The following RSRP1 variants were observed in gnomAD, a reference collection of about 807,000 sequenced individuals.
RSRP1 encodes the protein arginine and serine rich protein 1.
Under a neutral mutation model 33.0 loss-of-function variants are expected in RSRP1, and 37 were observed. The observed-to-expected ratio is 1.12, with a 90% CI of 0.86 to 1.48. RSRP1 has a LOEUF of 1.48. Among genes scored for constraint, RSRP1 ranks in the 40% most tolerant of loss-of-function variants. RSRP1 has a pLI of 0.00. For synonymous variants in RSRP1, 167 were observed against 158.7 expected, an observed-to-expected ratio of 1.05 and a Z score of -0.40; for missense variants, 402 against 385.3, an observed-to-expected ratio of 1.04 and a Z score of -0.36.
rs1640907007 is a variant in RSRP1, at chr1:25,275,726, G to T, written c.-66-28697C>A. Among the ~76,000 whole-genome samples, 2 of 132,672 alleles carry T rather than the reference G, an allele frequency of 1.5e-5. 1 individual carries two copies. The highest frequency in any genetic ancestry group is 4.6e-4 in the South Asian group (2 of 4,348). 87.0% of individuals were successfully genotyped at this position (132,672 alleles called of 152,430 possible). ...TAATCATAATGGTGTCAATCTCCAGGCAGGGTCCATTGCTACAGTTGACGA... is the reference window on the plus strand; with the variant it reads ...TAATCATAATGGTGTCAATCTCCAGTCAGGGTCCATTGCTACAGTTGACGA... On this transcript the variant is annotated intron_variant, in intron 1 of 1. Coordinates refer to the RSRP1 transcript ENST00000561867.
chr1:25,295,681 T>C lies in RSRP1; in HGVS notation c.-67+42297A>G, dbSNP rs1435383538. Among the ~76,000 whole-genome samples the C allele has an allele frequency of 4.7e-5, 5 of 105,496 alleles. 2 individuals carry two copies. The highest frequency in any genetic ancestry group is 1.1e-4 in the Non-Finnish European group (5 of 43,988). The allele number at this position is 105,496 out of a possible 152,430, so 69.2% of individuals were successfully genotyped here. A position where few individuals can be genotyped will look rare whatever the true frequency, so the allele number is the denominator to read the frequency against. On this transcript the variant is annotated intron_variant, in intron 1 of 1. Coordinates refer to the RSRP1 transcript ENST00000561867. ...TGGACTAAGATCATTTGTGGAAGAA[T>C]GATGGAGAGAAAGGCTGAAGGGCAG...
At chr1:25,244,408 A>G (rs1349387565) in intron 3 of RSRP1, 2 of 1,289,260 alleles carry the variant, frequency 1.6e-6, no homozygotes, top group Non-Finnish European at 2.0e-6. Flanking sequence ...GTGTGAACAT[A>G]AACTTCAAAT....
chr1:25,261,860 C>T (rs953914259), intron 1 of RSRP1, among the ~76,000 whole-genome samples: 34 of 151,538 alleles, frequency 2.2e-4, no homozygotes, highest in African/African-American at 7.3e-4. Flanking sequence ...CACAGGCACA[C>T]GCCACCACAC....
rs1308431186 is a variant in RSRP1 at position 25,308,534 on chromosome 1, C to A, written c.-67+29444G>T. ...AAACTGGCTTTCCAAGAAAATAAAG[C>A]CTTGATTGGTAGCACTTGCAATTTC... On this transcript the variant is annotated intron_variant, in intron 1 of 1. Transcript: ENST00000561867. Among the ~76,000 whole-genome samples, 51 of 132,056 alleles carry A rather than the reference C, an allele frequency of 3.9e-4. 15 individuals are homozygous for A. Among genetic ancestry groups the A allele is most frequent in the Middle Eastern group, 8.1e-3 (2 of 246 alleles). 86.6% of individuals were successfully genotyped at this position (132,056 alleles called of 152,430 possible).
At chr1:25,288,886 C>T (rs28644387) in intron 1 of RSRP1, among the ~76,000 whole-genome samples, 11,202 of 129,902 alleles carry the variant, frequency 0.086, 2,381 homozygotes, top group African/African-American at 0.28. Context: ...TGTCCAGGCA[C>T]GATGGAACAT....
intron 1 of RSRP1, among the ~76,000 whole-genome samples, chr1:25,286,713 G>C (rs1389875028): frequency 7.5e-6 from 1 of 133,718 alleles, no homozygotes; most frequent in African/African-American, 2.6e-5. Context: ...GTGAACCCGG[G>C]AGGCGGAGTT....
At position 25,286,593 on chromosome 1, in the gene RSRP1, T is replaced by C. The variant is rs1241442204; in HGVS notation, c.-66-39564A>G. 5.2e-5 allele frequency among the ~76,000 whole-genome samples: 7 copies of C among 134,026 alleles called. 2 individuals carry two copies. In the South Asian group the frequency reaches 6.6e-4, roughly 13 times the overall value. 87.9% of individuals were successfully genotyped at this position (134,026 alleles called of 152,430 possible). A position where few individuals can be genotyped will look rare whatever the true frequency, so the allele number is the denominator to read the frequency against. Reference sequence around the variant, plus strand: ...TGAGGTCAGGAGATCGAGACCATCCTGGCTAACTCGGAGAAACCCTGTCTC... The same window carrying C: ...TGAGGTCAGGAGATCGAGACCATCCCGGCTAACTCGGAGAAACCCTGTCTC... On this transcript the variant is annotated intron_variant, in intron 1 of 1. Coordinates refer to the RSRP1 transcript ENST00000561867.
chr1:25,289,305 A>G (rs113919228), intron 1 of RSRP1, among the ~76,000 whole-genome samples: 2,346 of 130,188 alleles, frequency 0.018, 317 homozygotes, highest in African/African-American at 0.057. Flanking sequence ...AGCGACTGCC[A>G]TGCCTCAGCC....
upstream of RSRP1, among the ~76,000 whole-genome samples, chr1:25,251,399 T>G (rs1304766956): frequency 6.6e-6 from 1 of 152,174 alleles, no homozygotes; most frequent in Non-Finnish European, 1.5e-5. Context: ...AGACGGAGTT[T>G]CACTCTGTTG....
rs762706276 is a variant in RSRP1, at chr1:25,246,773, G to T, written c.191C>A (p.Ser64Tyr). Residue 64 changes from serine to tyrosine, a missense_variant, in exon 2 of 5, where the codon TCC becomes TAC. Physicochemically the swap from Ser to Tyr is moderately radical, Grantham distance 144. Transcript: ENST00000243189. ...SSRSRRSKSRSRSRRRHQRKY... is the reference protein window; with the variant it reads ...SSRSRRSKSRYRSRRRHQRKY... Reference sequence around the variant, plus strand: ...CCGCTGGTGGCGCCTTCGGGAACGGGACCTGGACTTGCTCCTCCGACTCCT... The same window carrying T: ...CCGCTGGTGGCGCCTTCGGGAACGGTACCTGGACTTGCTCCTCCGACTCCT... The T allele has an allele frequency of 6.2e-7, 1 of 1,612,992 alleles. No individual in the cohort carries two copies. Among genetic ancestry groups the T allele is most frequent in the Admixed American group, 1.7e-5 (1 of 60,008 alleles).
chr1:25,314,013 C>A lies in RSRP1; in HGVS notation c.-67+23965G>T, dbSNP rs1343714368. ...GATTTGGGTAGTTTCCAGTTTGGAG[C>A]TATTATGAATATTCTAGTATTGCTC... On this transcript the variant is annotated intron_variant, in intron 1 of 1. Coordinates refer to the RSRP1 transcript ENST00000561867. Among the ~76,000 whole-genome samples, 2 of 132,604 alleles carry A rather than the reference C, an allele frequency of 1.5e-5. 1 individual carries two copies. The highest frequency in any genetic ancestry group is 3.6e-5 in the Non-Finnish European group (2 of 55,966). The allele number at this position is 132,604 out of a possible 152,430, so 87.0% of individuals were successfully genotyped here.
chr1:25,307,468 G>A lies in RSRP1; in HGVS notation c.-67+30510C>T, dbSNP rs373014390. The stretch of plus-strand genomic sequence containing the variant: ...GGGATAGATTTTTAGAGATGAACTG[G>A]TAGCATGATGATAATCATATTCACT... On this transcript the variant is annotated intron_variant, in intron 1 of 1. Transcript: ENST00000561867. Among the ~76,000 whole-genome samples the A allele has an allele frequency of 3.8e-5, 5 of 132,614 alleles. 1 individual carries two copies. Among genetic ancestry groups the A allele is most frequent in the Non-Finnish European group, 8.9e-5 (5 of 56,070 alleles). The allele number at this position is 132,614 out of a possible 152,430, so 87.0% of individuals were successfully genotyped here. A position where few individuals can be genotyped will look rare whatever the true frequency, so the allele number is the denominator to read the frequency against.
chr1:25,276,687 A>C (rs1571574443), intron 1 of RSRP1, among the ~76,000 whole-genome samples: 1 of 129,772 alleles, frequency 7.7e-6, no homozygotes. Context: ...TCACTCCAGC[A>C]TGGGCGACAG....
At chr1:25,308,552 G>T (rs1291985857) in intron 1 of RSRP1, among the ~76,000 whole-genome samples, 1 of 132,092 alleles carries the variant, frequency 7.6e-6, no homozygotes. Flanking sequence ...GGTAGCACTT[G>T]CAATTTCTAT....
chr1:25,246,653 T>C lies in RSRP1; in HGVS notation c.311A>G (p.Tyr104Cys). Residue 104 changes from tyrosine to cysteine, a missense_variant, in exon 2 of 5, where the codon TAC (tyrosine) becomes TGC (cysteine). Physicochemically the swap from Tyr to Cys is radical, Grantham distance 194. Transcript: ENST00000243189. ...RERRYGFTRRYYRSPSRYRSR... is the reference protein window; with the variant it reads ...RERRYGFTRRCYRSPSRYRSR... ...CCGGTACCGCGAAGGAGACCGGTAGTATCTCCTGGTGAACCCGTAGCGCCT... is the reference window on the plus strand; with the variant it reads ...CCGGTACCGCGAAGGAGACCGGTAGCATCTCCTGGTGAACCCGTAGCGCCT... 1 of 1,613,946 alleles carries C rather than the reference T, an allele frequency of 6.2e-7. No homozygotes were observed. Among genetic ancestry groups the C allele is most frequent in the Non-Finnish European group, 8.5e-7 (1 of 1,179,978 alleles).
intron 1 of RSRP1, among the ~76,000 whole-genome samples, chr1:25,306,191 G>A (rs1296156202): frequency 1.5e-5 from 2 of 131,758 alleles, no homozygotes; most frequent in African/African-American, 2.6e-5. Context: ...TGGGGTGAGG[G>A]CTGCTACTGG....
chr1:25,289,353 C>T lies in RSRP1; in HGVS notation c.-66-42324G>A, dbSNP rs557655853. The stretch of plus-strand genomic sequence containing the variant: ...GGGATTACAAGCATGCACCACCATG[C>T]CCGGGTAATTTTTGTATTTTTAGTT... On this transcript the variant is annotated intron_variant, in intron 1 of 1. Coordinates refer to the RSRP1 transcript ENST00000561867. Among the ~76,000 whole-genome samples, 31 of 126,894 alleles carry T rather than the reference C, an allele frequency of 2.4e-4. 2 individuals are homozygous for T. The highest frequency in any genetic ancestry group is 7.7e-4 in the African/African-American group (29 of 37,598). The allele number at this position is 126,894 out of a possible 152,430, so 83.2% of individuals were successfully genotyped here. A position where few individuals can be genotyped will look rare whatever the true frequency, so the allele number is the denominator to read the frequency against.
At position 25,266,127 on chromosome 1, in the gene RSRP1, C is replaced by G. The variant is rs955927035; in HGVS notation, c.-66-19098G>C. 1.5e-5 allele frequency: 2 copies of G among 131,764 alleles called. 1 individual carries two copies. The highest frequency in any genetic ancestry group is 3.6e-5 in the Non-Finnish European group (2 of 55,200). The allele number at this position is 131,764 out of a possible 1,614,324, so 8.2% of individuals were successfully genotyped here. ...TGGCTTTTGCTATTTCTAGCAGCTC[C>G]ATTTTATCTGCAAAAGACAAACATT... On this transcript the variant is annotated intron_variant, in intron 1 of 1. Transcript: ENST00000561867.
chr1:25,299,072 T>TAA (rs34867414), intron 1 of RSRP1, among the ~76,000 whole-genome samples: 3,612 of 40,798 alleles, frequency 0.089, 499 homozygotes, highest in Non-Finnish European at 0.12. Context: ...CACATGGTGA[T>TAA]AAAAAAAAAA....
Sources: gnomAD v4.1 joint callset for allele counts (sites outside exome capture counted in the v4.1 genomes callset) on GRCh38, gnomAD v4.1.1 for gene constraint, MANE v1.5 for transcripts, NCBI Gene and HGNC (gene_info 2026-07-23, HGNC 2026-07-21) for gene names.